Variants in N4BP2 observed in about 807,000 individuals in gnomAD.
N4BP2 encodes the protein NEDD4 binding protein 2, also known as NEDD4-binding protein 2.
In N4BP2, 91 loss-of-function variants were observed where a neutral mutation model predicts 152.8. The observed-to-expected ratio is 0.60, with a 90% CI of 0.50 to 0.71. N4BP2 has a LOEUF of 0.71. Ranked by LOEUF, N4BP2 falls within the 30% of genes least tolerant of loss-of-function variation. The probability of loss-of-function intolerance (pLI) is 0.00; values close to 1 mark genes in which losing one functional copy is unlikely to be tolerated. For missense variants in N4BP2, 1,923 were observed against 2,059.1 expected (o/e 0.93, Z 1.28); for synonymous variants, 646 against 705.3 (o/e 0.92, Z 1.33).
At position 40,103,026 on chromosome 4, in the gene N4BP2, A is replaced by G. The variant is rs148290470; in HGVS notation, c.1181A>G (p.Asn394Ser). ...VTTAAHWRSVNYTFPPSVISH... is the reference protein window; with the variant it reads ...VTTAAHWRSVSYTFPPSVISH... Reference sequence around the variant, plus strand: ...ACAGCTGCACACTGGAGATCTGTCAACTACACATTTCCACCCTCAGTTATT... The same window carrying G: ...ACAGCTGCACACTGGAGATCTGTCAGCTACACATTTCCACCCTCAGTTATT... Residue 394 changes from asparagine (N) to serine (S), a missense_variant, in exon 4 of 18, where the codon AAC becomes AGC. Asn to Ser is a conservative substitution (Grantham distance 46, BLOSUM62 1). Transcript: ENST00000261435. 1.9e-6 allele frequency: 3 copies of G among 1,614,016 alleles called. No individual in the cohort carries two copies. The highest frequency in any genetic ancestry group is 4.5e-5 in the East Asian group (2 of 44,904).
chr4:40,100,482 A>G (rs960048423), intron 3 of N4BP2, among the ~76,000 whole-genome samples: 2 of 150,238 alleles, frequency 1.3e-5, no homozygotes, highest in Non-Finnish European at 2.9e-5. Context: ...CATGGGCTGA[A>G]GTGATTCTCC....
chr4:40,159,059 A>G (rs896279612), downstream of N4BP2, among the ~76,000 whole-genome samples: 2 of 152,228 alleles, frequency 1.3e-5, no homozygotes, highest in African/African-American at 4.8e-5. Context: ...TTTATTACAT[A>G]GGTAGTGCTA....
At chr4:40,137,878 CTCGGGGG>C (rs1719550304) in intron 14 of N4BP2, among the ~76,000 whole-genome samples, 1 of 152,188 alleles carries the variant, frequency 6.6e-6, no homozygotes, top group Admixed American at 6.6e-5. Context: ...TTGTCTGATA[CTCGGGGG>C]CAGGTGGATA....
chr4:40,144,546 TCC>T, intron 15 of N4BP2, 84 bp from the exon 16 acceptor site: 4 of 1,034,676 alleles, frequency 3.9e-6, no homozygotes, highest in African/African-American at 1.6e-5. Context: ...TTTTCCCCCT[TCC>T]TTTTATTTGG....
chr4:40,151,482 G>T (rs1226293576), intron 16 of N4BP2, among the ~76,000 whole-genome samples: 1 of 152,090 alleles, frequency 6.6e-6, no homozygotes, highest in Non-Finnish European at 1.5e-5. Context: ...GTGTTGCCCA[G>T]GCTGGTCTTG....
the N4BP2 span, among the ~76,000 whole-genome samples, chr4:40,179,348 C>T: frequency 4.6e-5 from 7 of 152,182 alleles, no homozygotes; most frequent in South Asian, 2.1e-4. Context: ...CCAGCCTGGG[C>T]GACAGAGTGA....
chr4:40,118,029 G>T lies in N4BP2; in HGVS notation c.1820+5G>T. 1.3e-6 allele frequency: 2 copies of T among 1,544,526 alleles called. No homozygotes were observed. The highest frequency in any genetic ancestry group is 1.7e-6 in the Non-Finnish European group (2 of 1,146,764). The stretch of plus-strand genomic sequence containing the variant: ...TTGTGAGGATAGAAGCACTAGGTAG[G>T]TTAAAATGCCTTATGTACAAAATTC... On this transcript the variant is annotated splice_donor_5th_base_variant and intron_variant, in intron 8 of 17. Transcript: ENST00000261435.
chr4:40,084,381 A>C (rs1320035664), intron 2 of N4BP2, among the ~76,000 whole-genome samples: 1 of 151,830 alleles, frequency 6.6e-6, no homozygotes, highest in Non-Finnish European at 1.5e-5. Context: ...TACTATAGAT[A>C]GGGCAGGGTG....
At chr4:40,189,675 G>C in the N4BP2 span, among the ~76,000 whole-genome samples, 1 of 152,094 alleles carries the variant, frequency 6.6e-6, no homozygotes, top group Non-Finnish European at 1.5e-5. This position sits in a 1 kb window ranked among gnomAD's most constrained non-coding sequence, Gnocchi z 4.3. Context: ...GATCACCTAA[G>C]GTCAGGAGTT....
At chr4:40,088,889 G>A (rs965707553) in intron 2 of N4BP2, among the ~76,000 whole-genome samples, 3 of 151,922 alleles carry the variant, frequency 2.0e-5, no homozygotes, top group South Asian at 2.1e-4. Flanking sequence ...CTCCTCTTTC[G>A]TGTAGTGTTT....
At chr4:40,168,649 A>G in the N4BP2 span, among the ~76,000 whole-genome samples, 1 of 151,752 alleles carries the variant, frequency 6.6e-6, no homozygotes. Flanking sequence ...GACCACAGAA[A>G]TCAATTGACC....
At chr4:40,164,735 T>C in the N4BP2 span, among the ~76,000 whole-genome samples, 1 of 152,246 alleles carries the variant, frequency 6.6e-6, no homozygotes, top group African/African-American at 2.4e-5. Context: ...AACAGTTCTT[T>C]GCAGCGGGAC....
intron 7 of N4BP2, among the ~76,000 whole-genome samples, chr4:40,117,292 A>G (rs1324778114): frequency 6.6e-6 from 1 of 152,160 alleles, no homozygotes; most frequent in Non-Finnish European, 1.5e-5. Flanking sequence ...TGTGATCTGA[A>G]ACCAGACAAG....
chr4:40,115,251 C>A (rs1717241361), intron 7 of N4BP2, among the ~76,000 whole-genome samples: 1 of 152,116 alleles, frequency 6.6e-6, no homozygotes, highest in African/African-American at 2.4e-5. Context: ...GATCCCAGTA[C>A]TTTGGGAAGC....
chr4:40,124,493 C>T (rs567019695), intron 11 of N4BP2, among the ~76,000 whole-genome samples: 21 of 151,988 alleles, frequency 1.4e-4, no homozygotes, highest in African/African-American at 3.1e-4. Context: ...ACTACAGGTG[C>T]GCACCACCAC....
At chr4:40,178,800 T>C in the N4BP2 span, among the ~76,000 whole-genome samples, 1 of 152,204 alleles carries the variant, frequency 6.6e-6, no homozygotes, top group Non-Finnish European at 1.5e-5. Context: ...GGATAAGACA[T>C]GCTTAGTGCA....
At chr4:40,137,881 G>A (rs943323347) in intron 14 of N4BP2, among the ~76,000 whole-genome samples, 2 of 152,180 alleles carry the variant, frequency 1.3e-5, no homozygotes, top group African/African-American at 2.4e-5. Context: ...TCTGATACTC[G>A]GGGGCAGGTG....
At chr4:40,140,670 G>A (rs1719837248) in intron 14 of N4BP2, among the ~76,000 whole-genome samples, 2 of 151,646 alleles carry the variant, frequency 1.3e-5, no homozygotes, top group African/African-American at 4.9e-5. Context: ...GACAATAGTG[G>A]AGGGAAGGTC....
At chr4:40,080,184 A>G (rs1578972382) in intron 2 of N4BP2, among the ~76,000 whole-genome samples, 1 of 152,016 alleles carries the variant, frequency 6.6e-6, no homozygotes, top group East Asian at 1.9e-4. Context: ...GCTCTCATGA[A>G]AAAAGGAAGA....
Sources: gnomAD v4.1 joint callset for allele counts (sites outside exome capture counted in the v4.1 genomes callset) on GRCh38, gnomAD v4.1.1 for gene constraint, Gnocchi (gnomAD v3.1) non-coding constraint, MANE v1.5 for transcripts, NCBI Gene and HGNC (gene_info 2026-07-23, HGNC 2026-07-21) for gene names.